MMP26: variants seen among roughly 807,000 people sequenced by gnomAD.
The protein encoded by MMP26 is matrix metalloproteinase-26.
In MMP26, 33 loss-of-function variants were observed where a neutral mutation model predicts 31.0. That is an observed-to-expected ratio of 1.06 (90% confidence interval 0.81 to 1.42). The LOEUF (loss-of-function observed/expected upper bound fraction) is 1.42, where lower values mean the gene tolerates loss of function less well. Among genes scored for constraint, MMP26 ranks in the 40% most tolerant of loss-of-function variants. MMP26 has a pLI of 0.00. For missense variants in MMP26, 347 were observed against 316.1 expected (o/e 1.10, Z -0.74); for synonymous variants, 122 against 114.9 (o/e 1.06, Z -0.40).
chr11:4,864,042 A>T (rs1281908149), intron 2 of MMP26, among the ~76,000 whole-genome samples: 2 of 152,000 alleles, frequency 1.3e-5, no homozygotes, highest in African/African-American at 2.4e-5. Flanking sequence ...CAGTTCAGTG[A>T]CTCCAAAGCC....
intron 2 of MMP26, among the ~76,000 whole-genome samples, chr11:4,792,248 C>G (rs1040776618): frequency 6.6e-6 from 1 of 150,984 alleles, no homozygotes; most frequent in African/African-American, 2.4e-5. Context: ...CAAAGACAGA[C>G]ACAACCTGAA....
At chr11:4,769,926 G>A (rs1276464690) in intron 2 of MMP26, 9 of 1,489,552 alleles carry the variant, frequency 6.0e-6, no homozygotes, top group Non-Finnish European at 8.4e-6. Flanking sequence ...ATGGTGTCCT[G>A]GTTTTGCAGC....
chr11:4,946,601 T>C (rs2595987), intron 2 of MMP26: 139,194 of 1,348,584 alleles, frequency 0.1, 29,915 homozygotes, highest in South Asian at 0.15. Context: ...ATATCTCAAG[T>C]TTCTTAAAGT....
intron 2 of MMP26, among the ~76,000 whole-genome samples, chr11:4,931,021 C>A (rs1400688193): frequency 6.6e-6 from 1 of 151,758 alleles, no homozygotes; most frequent in Non-Finnish European, 1.5e-5. Flanking sequence ...GAAATTAATA[C>A]TATTGTATTA....
intron 2 of MMP26, chr11:4,876,276 T>C (rs1167569430): frequency 6.6e-6 from 1 of 152,144 alleles, no homozygotes; most frequent in Non-Finnish European, 1.5e-5. Flanking sequence ...ATTTCTGAAT[T>C]GCATATGTCC....
chr11:4,711,410 T>G (rs1294689185), intron 1 of MMP26: 4 of 152,364 alleles, frequency 2.6e-5, no homozygotes, highest in Admixed American at 6.5e-5. Flanking sequence ...GATATTGTTT[T>G]GCTGACATAT....
intron 2 of MMP26, among the ~76,000 whole-genome samples, chr11:4,934,923 C>G (rs1278780319): frequency 6.6e-6 from 1 of 151,496 alleles, no homozygotes; most frequent in Non-Finnish European, 1.5e-5. Flanking sequence ...CCGTTCTGTT[C>G]CATTGATCTA....
chr11:4,789,543 T>C (rs1268823633), intron 2 of MMP26, among the ~76,000 whole-genome samples: 14 of 112,582 alleles, frequency 1.2e-4, no homozygotes, highest in African/African-American at 6.2e-4. Flanking sequence ...TTTTTTTTTT[T>C]TTTTTTTTTT....
chr11:4,885,362 GGCCT>G (rs1850533510), intron 2 of MMP26, among the ~76,000 whole-genome samples: 1 of 151,960 alleles, frequency 6.6e-6, no homozygotes, highest in Non-Finnish European at 1.5e-5. Context: ...GTCAACAATG[GGCCT>G]CATATGCCAC....
intron 2 of MMP26, among the ~76,000 whole-genome samples, chr11:4,785,765 C>T (rs913425233): frequency 1.3e-5 from 2 of 152,136 alleles, no homozygotes; most frequent in Admixed American, 1.3e-4. Context: ...TAATTAAGCA[C>T]CAGATAGAGT....
At chr11:4,848,741 A>C (rs1849922458) in intron 2 of MMP26, 1 of 1,613,888 alleles carries the variant, frequency 6.2e-7, no homozygotes, top group Non-Finnish European at 8.5e-7. Context: ...ATCGAAAAGA[A>C]ATGGCCAGGC....
intron 2 of MMP26, chr11:4,877,711 A>G (rs763858580): frequency 1.3e-5 from 2 of 152,184 alleles, no homozygotes; most frequent in African/African-American, 2.4e-5. Context: ...ATTTTAATTG[A>G]TTTAAATGTA....
At chr11:4,769,001 A>T (rs1314772961) in intron 2 of MMP26, 1 of 1,516,942 alleles carries the variant, frequency 6.6e-7, no homozygotes, top group Non-Finnish European at 8.8e-7. Context: ...CAGCAGACTG[A>T]GCATAGCCTT....
intron 2 of MMP26, chr11:4,973,400 G>T (rs1846692356): frequency 6.6e-6 from 1 of 152,334 alleles, no homozygotes; most frequent in Admixed American, 6.6e-5. Context: ...TAGAGTGAAA[G>T]GAAATGGGAG....
chr11:4,966,391 G>A (rs1270461139), intron 2 of MMP26, among the ~76,000 whole-genome samples: 1 of 152,128 alleles, frequency 6.6e-6, no homozygotes, highest in Non-Finnish European at 1.5e-5. Flanking sequence ...TATCCACCAG[G>A]GTGATCAGGC....
chr11:4,868,586 G>A (rs981226511), intron 2 of MMP26, among the ~76,000 whole-genome samples: 2 of 152,090 alleles, frequency 1.3e-5, no homozygotes, highest in Non-Finnish European at 2.9e-5. Flanking sequence ...ACAAATGGAA[G>A]AACATTCCAT....
At chr11:4,924,489 A>C (rs1199143276) in intron 2 of MMP26, 2 of 763,414 alleles carry the variant, frequency 2.6e-6, no homozygotes, top group Non-Finnish European at 4.2e-6. Context: ...GTGGGGGCTG[A>C]TCTATTAGCC....
intron 2 of MMP26, among the ~76,000 whole-genome samples, chr11:4,773,597 T>C (rs1395294893): frequency 8.6e-6 from 1 of 116,378 alleles, no homozygotes; most frequent in South Asian, 2.3e-4. Flanking sequence ...TTTGTGGGGT[T>C]TTTTTTTTTT....
intron 2 of MMP26, among the ~76,000 whole-genome samples, chr11:4,905,111 G>C (rs774228072): frequency 2.0e-5 from 3 of 152,126 alleles, no homozygotes; most frequent in Admixed American, 6.5e-5. Context: ...ATTCAGAGGT[G>C]AGAACTTATT....
Sources: gnomAD v4.1 joint callset for allele counts (sites outside exome capture counted in the v4.1 genomes callset) on GRCh38, gnomAD v4.1.1 for gene constraint, MANE v1.5 for transcripts, NCBI Gene and HGNC (gene_info 2026-07-23, HGNC 2026-07-21) for gene names.